The following HAO1 variants were observed in gnomAD, a reference collection of about 807,000 sequenced individuals.
The protein encoded by HAO1 is 2-Hydroxyacid oxidase 1.
In HAO1, 34 loss-of-function variants were observed where a neutral mutation model predicts 39.7. That is an observed-to-expected ratio of 0.86 (90% CI 0.65 to 1.14). HAO1 has a LOEUF of 1.14. Among genes scored for constraint, HAO1 ranks in the 50% most tolerant of loss-of-function variants. The pLI, the probability that HAO1 is intolerant of heterozygous loss-of-function variation, is 0.00. For missense variants in HAO1, 479 were observed against 464.5 expected, an observed-to-expected ratio of 1.03 and a Z score of -0.29; for synonymous variants, 172 against 173.2, an observed-to-expected ratio of 0.99 and a Z score of 0.05.
In HAO1 at chr20:7,906,312, G is replaced by C; in HGVS notation, c.563C>G (p.Thr188Ser). ...CTCAGGAGAAAATGATAAAGTACTG[G>C]TTTCAAAATTTTTCATCCTAAAATA... ...PPQLRMKNFE[T>S]STLSFSPEEN... The change falls in exon 4 of 8, where the codon ACC (threonine) becomes AGC (serine). Residue 188 changes from threonine (T) to serine (S), a missense_variant. Physicochemically the swap from Thr to Ser is moderately conservative, Grantham distance 58. Coordinates refer to ENST00000378789, the MANE Select transcript of HAO1 (RefSeq NM_017545.3). 1 of 1,602,038 alleles carries C rather than the reference G, an allele frequency of 6.2e-7. No individual in the cohort carries two copies. The highest frequency in any genetic ancestry group is 8.5e-7 in the Non-Finnish European group (1 of 1,172,352).
At chr20:7,928,622 C>T (rs956009902) in intron 2 of HAO1, among the ~76,000 whole-genome samples, 1 of 152,074 alleles carries the variant, frequency 6.6e-6, no homozygotes. Flanking sequence ...GAAACAACCC[C>T]AGCCTCCTTG....
intron 4 of HAO1, among the ~76,000 whole-genome samples, chr20:7,900,155 A>G (rs2050215080): frequency 6.6e-6 from 1 of 152,082 alleles, no homozygotes; most frequent in Non-Finnish European, 1.5e-5. Flanking sequence ...ATTTTTTTAG[A>G]GTATCTTGAA....
intron 4 of HAO1, among the ~76,000 whole-genome samples, chr20:7,900,053 T>G (rs1005050591): frequency 2.6e-5 from 4 of 152,176 alleles, no homozygotes; most frequent in Non-Finnish European, 5.9e-5. Flanking sequence ...GCTTTTGGCC[T>G]AGGAATCTGT....
At chr20:7,883,911 C>T (rs2050139258) in intron 7 of HAO1, among the ~76,000 whole-genome samples, 1 of 152,156 alleles carries the variant, frequency 6.6e-6, no homozygotes, top group Non-Finnish European at 1.5e-5. Context: ...GAGTCAGTGA[C>T]TGAAAGCTCT....
At chr20:7,925,306 C>T (rs1448313687) in intron 2 of HAO1, among the ~76,000 whole-genome samples, 1 of 152,138 alleles carries the variant, frequency 6.6e-6, no homozygotes, top group Admixed American at 6.6e-5. Flanking sequence ...CAGATTTAAT[C>T]GTTGCCGTGC....
At chr20:7,939,016 A>T (rs1023322793) in intron 1 of HAO1, among the ~76,000 whole-genome samples, 2 of 152,240 alleles carry the variant, frequency 1.3e-5, no homozygotes, top group African/African-American at 4.8e-5. Context: ...TATTTGGGTT[A>T]AAGTGTTTTC....
intron 2 of HAO1, among the ~76,000 whole-genome samples, chr20:7,923,088 A>T (rs968594638): frequency 1.3e-5 from 2 of 152,152 alleles, no homozygotes; most frequent in African/African-American, 4.8e-5. Context: ...CTAAACTGCC[A>T]TTCAATAGAG....
At chr20:7,931,911 A>G (rs2050387530) in intron 2 of HAO1, among the ~76,000 whole-genome samples, 1 of 152,260 alleles carries the variant, frequency 6.6e-6, no homozygotes, top group Non-Finnish European at 1.5e-5. Context: ...AAACAGGGAC[A>G]GAAACACCTG....
In HAO1 at chr20:7,940,342, G is replaced by GT; in HGVS notation, c.80dup (p.Tyr27Ter). 3 of 1,611,100 alleles carry GT rather than the reference G, an allele frequency of 1.9e-6. No homozygotes were observed. The highest frequency in any genetic ancestry group is 2.5e-6 in the Non-Finnish European group (3 of 1,178,140). ...SVLPKSIYDY[Y>*]RSGANDEETL... Reference sequence around the variant, plus strand: ...TTTCTTCATCATTTGCCCCAGACCTGTAATAGTCATATATAGACTTTGGAA... The same window carrying GT: ...TTTCTTCATCATTTGCCCCAGACCTGTTAATAGTCATATATAGACTTTGGAA... Residue 27 changes from tyrosine (Y) to a stop codon, truncating the protein, a stop_gained and frameshift_variant, in exon 1 of 8, where the codon TAC becomes TAAC. Coordinates refer to ENST00000378789, the MANE Select transcript of HAO1 (RefSeq NM_017545.3). LOFTEE classifies it high-confidence loss of function.
At chr20:7,938,287 A>C (rs1470304247) in intron 1 of HAO1, among the ~76,000 whole-genome samples, 1 of 152,228 alleles carries the variant, frequency 6.6e-6, no homozygotes, top group Non-Finnish European at 1.5e-5. Context: ...GTCATACAGC[A>C]AAAGAGGACA....
chr20:7,909,407 T>TATATATATATA (rs2050266945), intron 3 of HAO1, among the ~76,000 whole-genome samples: 1 of 115,224 alleles, frequency 8.7e-6, no homozygotes, highest in African/African-American at 3.9e-5. Context: ...ATATATATGC[T>TATATATATATA]TAAAGTGGCT....
chr20:7,903,480 G>A (rs1477326785), intron 4 of HAO1, among the ~76,000 whole-genome samples: 1 of 152,016 alleles, frequency 6.6e-6, no homozygotes, highest in Non-Finnish European at 1.5e-5. Context: ...GGTCATGGTG[G>A]TCATGGTGGT....
At position 7,899,747 on chromosome 20, in the gene HAO1, G is replaced by C. The variant is rs531632712; in HGVS notation, c.722-4523C>G. Among the ~76,000 whole-genome samples the C allele has an allele frequency of 5.5e-4, 83 of 152,212 alleles. No individual in the cohort carries two copies. In the South Asian group the frequency reaches 0.016, roughly 29 times the overall value. ...GTTTTACAATTTATTTTAACACAGA[G>C]AGAAAAGCAATTTTGCCTTAATGAA... On this transcript the variant is annotated intron_variant, in intron 4 of 7. Transcript: ENST00000378789.
intron 1 of HAO1, among the ~76,000 whole-genome samples, chr20:7,939,510 T>C (rs916155063): frequency 6.6e-6 from 1 of 152,134 alleles, no homozygotes; most frequent in Non-Finnish European, 1.5e-5. Flanking sequence ...ACAATACCGA[T>C]TGCCTTTACT....
At chr20:7,921,908 T>A (rs533826097) in intron 2 of HAO1, among the ~76,000 whole-genome samples, 1 of 152,182 alleles carries the variant, frequency 6.6e-6, no homozygotes, top group South Asian at 2.1e-4. Flanking sequence ...GAATATTGGA[T>A]ACACATGGTC....
chr20:7,896,107 T>G (rs934152951), intron 4 of HAO1, among the ~76,000 whole-genome samples: 2 of 151,202 alleles, frequency 1.3e-5, no homozygotes, highest in Non-Finnish European at 2.9e-5. Context: ...GCTACATCTC[T>G]AATCATGTTT....
At chr20:7,895,538 A>G (rs1256659651) in intron 4 of HAO1, among the ~76,000 whole-genome samples, 8 of 152,056 alleles carry the variant, frequency 5.3e-5, no homozygotes, top group African/African-American at 1.9e-4. Flanking sequence ...TTTTCAATTA[A>G]TAAGATTATA....
At chr20:7,936,539 TGTGTGTGTTCGC>T (rs2050411465) in intron 1 of HAO1, among the ~76,000 whole-genome samples, 1 of 148,730 alleles carries the variant, frequency 6.7e-6, no homozygotes, top group African/African-American at 2.5e-5. Context: ...TGTGTGTGTG[TGTGTGTGTTCGC>T]GCGCGCGCGC....
chr20:7,896,524 A>ATT (rs200487344), intron 4 of HAO1, among the ~76,000 whole-genome samples: 1 of 152,034 alleles, frequency 6.6e-6, no homozygotes. Flanking sequence ...AACTATTCTT[A>ATT]TTTTTTTCAA....
Sources: gnomAD v4.1 joint callset for allele counts (sites outside exome capture counted in the v4.1 genomes callset) on GRCh38, gnomAD v4.1.1 for gene constraint, MANE v1.5 for transcripts, NCBI Gene and HGNC (gene_info 2026-07-23, HGNC 2026-07-21) for gene names.